Variants in PRKG1 observed in about 807,000 individuals in gnomAD.
PRKG1 encodes cGMP-dependent protein kinase 1.
A neutral mutation model predicts 88.1 loss-of-function variants in PRKG1; 35 were observed. The observed-to-expected ratio is 0.40, with a 90% CI of 0.30 to 0.53. PRKG1 has a LOEUF of 0.53. Among genes scored for constraint, PRKG1 ranks in the 20% least tolerant of loss-of-function variants. The probability of loss-of-function intolerance (pLI) is 0.59; values close to 1 mark genes in which losing one functional copy is unlikely to be tolerated. For missense variants in PRKG1, 540 were observed against 839.8 expected, an observed-to-expected ratio of 0.64 and a Z score of 4.41; for synonymous variants, 303 against 292.5, an observed-to-expected ratio of 1.04 and a Z score of -0.37.
chr10:51,506,658 G>A (rs1841215337), intron 3 of PRKG1, among the ~76,000 whole-genome samples: 1 of 152,158 alleles, frequency 6.6e-6, no homozygotes. Flanking sequence ...AACAACAGGT[G>A]CTGGAGAGGA....
At chr10:52,100,244 A>G (rs1465616847) in intron 7 of PRKG1, among the ~76,000 whole-genome samples, 1 of 152,186 alleles carries the variant, frequency 6.6e-6, no homozygotes, top group Non-Finnish European at 1.5e-5. Flanking sequence ...ATATTTTAAT[A>G]ATTGATTTTG....
At chr10:51,818,790 G>A (rs1839660771) in intron 4 of PRKG1, among the ~76,000 whole-genome samples, 1 of 99,522 alleles carries the variant, frequency 1.0e-5, no homozygotes, top group East Asian at 2.9e-4. Flanking sequence ...GGCGGATCAC[G>A]AGGTCAGGAG....
At chr10:51,986,194 T>C (rs927000813) in intron 5 of PRKG1, among the ~76,000 whole-genome samples, 4 of 151,974 alleles carry the variant, frequency 2.6e-5, no homozygotes, top group African/African-American at 7.2e-5. Context: ...CATCTTAAAA[T>C]TGAAAAAAAA....
rs181182619 is a variant in PRKG1, at chr10:51,000,236, C to T, written c.266+8592C>T. On this transcript the variant is annotated intron_variant, in intron 1 of 17. Coordinates refer to the PRKG1 transcript ENST00000401604. ...ATTTGTTTCTTAAAAAATAAGATTG[C>T]GTGCACTCACAGGCACCTCCCGAGG... is the stretch of plus-strand genomic sequence containing the variant. 3.3e-5 allele frequency among the ~76,000 whole-genome samples: 5 copies of T among 152,286 alleles called. No homozygotes were observed. The East Asian group carries it at 7.7e-4, about 23-fold the overall frequency.
intron 4 of PRKG1, among the ~76,000 whole-genome samples, chr10:51,841,012 A>G (rs2132776991): frequency 6.6e-6 from 1 of 152,336 alleles, no homozygotes; most frequent in East Asian, 1.9e-4. Flanking sequence ...AGGCATCTGA[A>G]TCAGATCACC....
chr10:51,823,911 T>G (rs1055208728), intron 4 of PRKG1, among the ~76,000 whole-genome samples: 1 of 132,218 alleles, frequency 7.6e-6, no homozygotes, highest in African/African-American at 2.9e-5. Context: ...TCTTGCTCTG[T>G]CACCTGGGCT....
intron 5 of PRKG1, among the ~76,000 whole-genome samples, chr10:51,938,679 G>A (rs1030870600): frequency 1.3e-5 from 2 of 151,708 alleles, no homozygotes; most frequent in African/African-American, 4.8e-5. Flanking sequence ...TGTCCTCCAA[G>A]GATTGTGTGA....
At chr10:51,083,443 C>T (rs774023174) in intron 1 of PRKG1, among the ~76,000 whole-genome samples, 14 of 151,992 alleles carry the variant, frequency 9.2e-5, no homozygotes, top group Non-Finnish European at 1.9e-4. Flanking sequence ...CAATGATGAG[C>T]GCCTCTTGGA....
chr10:52,047,192 TG>T (rs1406058492), intron 5 of PRKG1, among the ~76,000 whole-genome samples: 2 of 152,150 alleles, frequency 1.3e-5, no homozygotes, highest in Admixed American at 6.6e-5. Context: ...GATGATGATA[TG>T]AGGAACAAAA....
intron 7 of PRKG1, among the ~76,000 whole-genome samples, chr10:52,105,051 C>T (rs915070600): frequency 6.6e-6 from 1 of 152,140 alleles, no homozygotes; most frequent in Non-Finnish European, 1.5e-5. Context: ...ACAGAGGCCA[C>T]GCAGATGCTA....
intron 3 of PRKG1, among the ~76,000 whole-genome samples, chr10:51,478,538 T>A (rs1394278727): frequency 6.6e-6 from 1 of 152,114 alleles, no homozygotes; most frequent in Non-Finnish European, 1.5e-5. Flanking sequence ...AAAATCCTTT[T>A]ATCTAAATTT....
intron 9 of PRKG1, among the ~76,000 whole-genome samples, chr10:52,200,168 C>A (rs987936431): frequency 3.3e-5 from 5 of 152,022 alleles, no homozygotes; most frequent in Non-Finnish European, 5.9e-5. Flanking sequence ...AAGTAATAAC[C>A]ATAGTATCTA....
intron 9 of PRKG1, among the ~76,000 whole-genome samples, chr10:52,195,353 T>C (rs995240110): frequency 2.0e-5 from 3 of 152,178 alleles, no homozygotes; most frequent in African/African-American, 7.2e-5. Flanking sequence ...ACCAAAACTA[T>C]ATCTATAATC....
chr10:52,058,057 A>G (rs1846150898), intron 6 of PRKG1, among the ~76,000 whole-genome samples: 2 of 151,936 alleles, frequency 1.3e-5, no homozygotes, highest in Admixed American at 1.3e-4. Flanking sequence ...AGGATTTTAT[A>G]TAGACATATA....
intron 3 of PRKG1, among the ~76,000 whole-genome samples, chr10:51,754,523 G>A (rs1190954798): frequency 2.6e-5 from 4 of 152,310 alleles, no homozygotes; most frequent in Admixed American, 6.5e-5. Flanking sequence ...CTAGCTTGAA[G>A]CAAGCTCATA....
Position 51,706,843 on chromosome 10 carries a change from G to A in PRKG1, c.593-97742G>A, listed in dbSNP as rs1224119531. Among the ~76,000 whole-genome samples, 5 of 152,116 alleles carry A rather than the reference G, an allele frequency of 3.3e-5. No individual in the cohort carries two copies. The East Asian group carries it at 7.7e-4, about 24-fold the overall frequency. On this transcript the variant is annotated intron_variant, in intron 3 of 17. Coordinates refer to ENST00000373980, the MANE Select transcript of PRKG1 (RefSeq NM_006258.4). Reference sequence around the variant, plus strand: ...AATGTCACCTGTATTGGATTATTGTGTGGAATACATGATATACTTATATTT... The same window carrying A: ...AATGTCACCTGTATTGGATTATTGTATGGAATACATGATATACTTATATTT...
At chr10:51,918,203 C>T (rs892308792) in intron 5 of PRKG1, among the ~76,000 whole-genome samples, 15 of 152,192 alleles carry the variant, frequency 9.9e-5, no homozygotes, top group Non-Finnish European at 2.1e-4. Flanking sequence ...ACCCTGGAAT[C>T]AGTACCTTTC....
intron 3 of PRKG1, among the ~76,000 whole-genome samples, chr10:51,486,438 C>A (rs1840542857): frequency 6.6e-6 from 1 of 152,092 alleles, no homozygotes; most frequent in Admixed American, 6.6e-5. Flanking sequence ...CATCAAGTTG[C>A]ATGTATTAGA....
At chr10:52,040,986 G>A (rs934551038) in intron 5 of PRKG1, among the ~76,000 whole-genome samples, 17 of 151,624 alleles carry the variant, frequency 1.1e-4, no homozygotes, top group African/African-American at 2.2e-4. Context: ...ACAGGCGCCC[G>A]CCACCATGCC....
Sources: allele counts gnomAD v4.1 joint callset (sites outside exome capture counted in the v4.1 genomes callset), GRCh38; gene constraint gnomAD v4.1.1; transcripts MANE v1.5; gene names NCBI Gene and HGNC (gene_info 2026-07-23, HGNC 2026-07-21).